Variants in ASXL3 observed in about 807,000 individuals in gnomAD.
ASXL3 encodes putative Polycomb group protein ASXL3.
ASXL3 carries 34 observed loss-of-function variants against 170.6 expected under a neutral mutation model. The ratio of observed to expected loss-of-function variants is 0.20; its 90% CI spans 0.15 to 0.27. The LOEUF (loss-of-function observed/expected upper bound fraction) is 0.27. Ranked by LOEUF, ASXL3 falls within the 10% of genes least tolerant of loss-of-function variation. ASXL3 has a pLI of 1.00. For synonymous variants in ASXL3, 1,002 were observed against 989.1 expected, an observed-to-expected ratio of 1.01 and a Z score of -0.24; for missense variants, 2,592 against 2,695.3, an observed-to-expected ratio of 0.96 and a Z score of 0.85.
chr18:33,629,979 A>T (rs949305803), intron 2 of ASXL3, among the ~76,000 whole-genome samples: 12 of 152,026 alleles, frequency 7.9e-5, no homozygotes, highest in Non-Finnish European at 1.6e-4. Flanking sequence ...GTACGGAAGA[A>T]GAGTATTAAT....
intron 7 of ASXL3, among the ~76,000 whole-genome samples, chr18:33,674,568 A>G (rs2066395566): frequency 6.6e-6 from 1 of 152,148 alleles, no homozygotes; most frequent in Non-Finnish European, 1.5e-5. Context: ...ATGAAAAAAC[A>G]TGGAATGAAA....
At chr18:33,734,242 A>C in intron 9 of ASXL3, 68 bp from the exon 10 acceptor site, 1 of 1,056,022 alleles carries the variant, frequency 9.5e-7, no homozygotes, top group Non-Finnish European at 1.4e-6. Context: ...AATGAATTAC[A>C]TGTTTTCTTT....
intron 8 of ASXL3, among the ~76,000 whole-genome samples, chr18:33,706,118 T>C (rs2066951848): frequency 6.6e-6 from 1 of 150,410 alleles, no homozygotes; most frequent in Admixed American, 6.7e-5. Context: ...TTTTTTTTTT[T>C]TCATTTTGGA....
At position 33,743,661 on chromosome 18, in the gene ASXL3, CACT is replaced by C; in HGVS notation, c.3816_3818del (p.Thr1273del). On this transcript the variant is annotated inframe_deletion, in exon 12 of 12. Coordinates refer to ENST00000269197, the MANE Select transcript of ASXL3 (RefSeq NM_030632.3). ...TCCTAATGTCTGTTGACAGTGCAAA[CACT>C]ACAATTTCTGCTTGTAATATAAGCA... The C allele has an allele frequency of 3.1e-6, 5 of 1,613,840 alleles. No homozygotes were observed. The highest frequency in any genetic ancestry group is 4.2e-6 in the Non-Finnish European group (5 of 1,179,884).
intron 7 of ASXL3, among the ~76,000 whole-genome samples, chr18:33,673,772 A>T (rs1022243496): frequency 1.3e-5 from 2 of 152,210 alleles, no homozygotes; most frequent in African/African-American, 4.8e-5. Flanking sequence ...AAAGACTGAT[A>T]TACAAGCCTG....
In ASXL3 at chr18:33,675,947, T is replaced by C. The variant is rs771647286; in HGVS notation, c.715+4081T>C. Among the ~76,000 whole-genome samples, 10 of 152,114 alleles carry C rather than the reference T, an allele frequency of 6.6e-5. No individual in the cohort carries two copies. In the East Asian group the frequency reaches 1.6e-3, roughly 24 times the overall value. ...AAAAGAAAAAAATTCCTCGGTTGGCTGGGTGCAGTGGCTCACACCTGTAAT... is the reference window on the plus strand; with the variant it reads ...AAAAGAAAAAAATTCCTCGGTTGGCCGGGTGCAGTGGCTCACACCTGTAAT... On this transcript the variant is annotated intron_variant, in intron 7 of 11. Transcript: ENST00000269197.
At chr18:33,655,395 T>C (rs1427709639) in intron 4 of ASXL3, among the ~76,000 whole-genome samples, 1 of 152,072 alleles carries the variant, frequency 6.6e-6, no homozygotes, top group African/African-American at 2.4e-5. Flanking sequence ...TCAGTGCTTG[T>C]AATTTTTAGA....
intron 2 of ASXL3, among the ~76,000 whole-genome samples, chr18:33,612,539 T>C (rs1490356627): frequency 6.6e-6 from 1 of 152,102 alleles, no homozygotes; most frequent in African/African-American, 2.4e-5. Flanking sequence ...GAATTTATTT[T>C]TACCTCATTT....
intron 2 of ASXL3, among the ~76,000 whole-genome samples, chr18:33,632,212 G>A (rs2145174067): frequency 1.3e-5 from 2 of 151,922 alleles, no homozygotes; most frequent in South Asian, 4.2e-4. Flanking sequence ...CTGATGCTAG[G>A]GTATATATCA....
intron 2 of ASXL3, among the ~76,000 whole-genome samples, chr18:33,633,996 A>G (rs1162064091): frequency 6.6e-6 from 1 of 152,182 alleles, no homozygotes; most frequent in East Asian, 1.9e-4. Context: ...GAATATATGC[A>G]TATATATGAA....
At position 33,744,210 on chromosome 18, in the gene ASXL3, G is replaced by A; in HGVS notation, c.4362G>A (p.Gln1454=). ...GGGCAGATAATTCTGGAAAACCTCA[G>A]CAACCACCAGGGGGCTTTGCACCAG... ...RNRADNSGKP[Q]QPPGGFAPAA... is the part of the protein sequence containing the mutation. Residue 1454 remains glutamine, a synonymous_variant, in exon 12 of 12, where the codon CAG becomes CAA. Coordinates refer to ENST00000269197, the MANE Select transcript of ASXL3 (RefSeq NM_030632.3). 1 of 1,613,888 alleles carries A rather than the reference G, an allele frequency of 6.2e-7. No individual in the cohort carries two copies. The highest frequency in any genetic ancestry group is 2.2e-5 in the East Asian group (1 of 44,884).
At chr18:33,702,752 A>G (rs533842816) in intron 8 of ASXL3, among the ~76,000 whole-genome samples, 11 of 152,280 alleles carry the variant, frequency 7.2e-5, no homozygotes, top group African/African-American at 2.4e-4. Context: ...TAGGTTTTCA[A>G]TGGTCACAGC....
intron 1 of ASXL3, among the ~76,000 whole-genome samples, chr18:33,580,292 A>C (rs928943541): frequency 6.6e-6 from 1 of 152,220 alleles, no homozygotes; most frequent in African/African-American, 2.4e-5. Context: ...AGTAGATGCC[A>C]GATTGATGTT....
Position 33,743,737 on chromosome 18 carries a change from C to G in ASXL3, c.3889C>G (p.Pro1297Ala). 1.2e-6 allele frequency: 2 copies of G among 1,613,878 alleles called. No individual in the cohort carries two copies. Among genetic ancestry groups the G allele is most frequent in the Middle Eastern group, 1.6e-4 (1 of 6,062 alleles). Residue 1297 changes from proline (P) to alanine (A), a missense_variant, in exon 12 of 12, where the codon CCA (proline) becomes GCA (alanine). Physicochemically the swap from Pro to Ala is conservative, Grantham distance 27. Around this residue, in one of 4 missense-constraint regions of ASXL3, gnomAD observed 2,246 missense variants for 2,219.6 expected, o/e 1.01. Coordinates refer to ENST00000269197, the MANE Select transcript of ASXL3 (RefSeq NM_030632.3). ...GTDTPCIAII[P>A]KCIESTPISA... is the part of the protein sequence containing the mutation. ...TGACACTCCATGCATAGCCATTATACCAAAATGTATTGAAAGCACTCCCAT... is the reference window on the plus strand; with the variant it reads ...TGACACTCCATGCATAGCCATTATAGCAAAATGTATTGAAAGCACTCCCAT...
chr18:33,741,028 T>G (rs1458220186), intron 11 of ASXL3, among the ~76,000 whole-genome samples: 1 of 152,224 alleles, frequency 6.6e-6, no homozygotes. Flanking sequence ...TCATTTTATG[T>G]ATGACTCATG....
Position 33,607,574 on chromosome 18 carries a change from A to C in ASXL3, c.55-20A>C. On this transcript the variant is annotated intron_variant, in intron 1 of 11. Transcript: ENST00000269197. ...TATGCTGCCATGCAATAATCTAGGA[A>C]TCTTATGTTTATATTTTAGGCACTA... 3 of 1,536,826 alleles carry C rather than the reference A, an allele frequency of 2.0e-6. No individual in the cohort carries two copies. Among genetic ancestry groups the C allele is most frequent in the Non-Finnish European group, 2.7e-6 (3 of 1,127,764 alleles).
intron 8 of ASXL3, among the ~76,000 whole-genome samples, chr18:33,691,655 A>G (rs16964869): frequency 0.011 from 1,733 of 152,276 alleles, 27 homozygotes; most frequent in African/African-American, 0.039. Flanking sequence ...AGAGAGAGAG[A>G]TGTAAAAGCC....
chr18:33,619,717 T>C (rs1330091284), intron 2 of ASXL3, among the ~76,000 whole-genome samples: 1 of 152,084 alleles, frequency 6.6e-6, no homozygotes, highest in African/African-American at 2.4e-5. Context: ...AGATTGAAAT[T>C]CTTGTTTCTT....
At chr18:33,628,020 G>C (rs1057078303) in intron 2 of ASXL3, among the ~76,000 whole-genome samples, 56 of 152,098 alleles carry the variant, frequency 3.7e-4, no homozygotes, top group African/African-American at 1.3e-3. Flanking sequence ...AGAACTGTCT[G>C]TTCAATGTCA....
Sources: allele counts gnomAD v4.1 joint callset (sites outside exome capture counted in the v4.1 genomes callset), GRCh38; gene constraint gnomAD v4.1.1; regional missense constraint gnomAD v4.1.1; transcripts MANE v1.5; gene names NCBI Gene and HGNC (gene_info 2026-07-23, HGNC 2026-07-21).